DDX31: variants seen among roughly 807,000 people sequenced by gnomAD.
DDX31 encodes the protein ATP-dependent DNA helicase DDX31.
In DDX31, 70 loss-of-function variants were observed where a neutral mutation model predicts 91.3. The observed-to-expected ratio is 0.77, with a 90% confidence interval of 0.63 to 0.94. The LOEUF is 0.94. DDX31 is among the 40% of genes least tolerant of loss of function. The pLI, the probability that DDX31 is intolerant of heterozygous loss-of-function variation, is 0.00. For synonymous variants in DDX31, 362 were observed against 350.6 expected, an observed-to-expected ratio of 1.03 and a Z score of -0.36; for missense variants, 902 against 925.0, an observed-to-expected ratio of 0.98 and a Z score of 0.32.
At chr9:132,603,588 C>A (rs987165718) in intron 19 of DDX31, among the ~76,000 whole-genome samples, 2 of 152,180 alleles carry the variant, frequency 1.3e-5, no homozygotes, top group African/African-American at 4.8e-5. Flanking sequence ...ATGATATGAA[C>A]TAGAAGAGCT....
At position 132,617,216 on chromosome 9, in the gene DDX31, C is replaced by T. The variant is rs144346958; in HGVS notation, c.1825+1114G>A. On this transcript the variant is annotated intron_variant, in intron 18 of 19. Coordinates refer to ENST00000372159, the MANE Select transcript of DDX31 (RefSeq NM_022779.9). ...GCCCTTCCTTTAGAGAGCCACGGGG[C>T]TCATCCCACTTCAGGTTTTTGCTCA... 8.7e-3 allele frequency among the ~76,000 whole-genome samples: 1,317 copies of T among 152,240 alleles called. 17 individuals are homozygous for T. Among genetic ancestry groups the T allele is most frequent in the African/African-American group, 0.031 (1,281 of 41,536 alleles).
intron 15 of DDX31, among the ~76,000 whole-genome samples, chr9:132,631,134 T>C (rs1038558770): frequency 1.3e-5 from 2 of 152,244 alleles, no homozygotes; most frequent in African/African-American, 4.8e-5. Context: ...AATAACTTTG[T>C]CATCATTAAA....
chr9:132,639,115 G>T (rs557192291), intron 14 of DDX31, among the ~76,000 whole-genome samples: 2 of 152,210 alleles, frequency 1.3e-5, no homozygotes, highest in East Asian at 3.9e-4. Context: ...TTAAAAGGAC[G>T]CAGAGTGGCA....
At chr9:132,641,904 C>CT in intron 14 of DDX31, 100 bp downstream of exon 14, 1 of 1,280,780 alleles carries the variant, frequency 7.8e-7, no homozygotes, top group South Asian at 1.2e-5. Context: ...TTCCTGGGCC[C>CT]TGTAGGACTG....
At chr9:132,659,892 T>C (rs1834824759) in intron 4 of DDX31, 112 bp from the exon 5 acceptor site, 1 of 919,094 alleles carries the variant, frequency 1.1e-6, no homozygotes, top group Admixed American at 2.1e-5. Flanking sequence ...GGCAACTGCC[T>C]CCTTAGAAGC....
chr9:132,668,627 GCA>G (rs1835478060), intron 1 of DDX31, among the ~76,000 whole-genome samples: 1 of 150,982 alleles, frequency 6.6e-6, no homozygotes, highest in Non-Finnish European at 1.5e-5. Context: ...GAGTGCAATG[GCA>G]TGATCTCGGC....
chr9:132,622,172 G>GT (rs756088981), intron 17 of DDX31, among the ~76,000 whole-genome samples: 1 of 152,180 alleles, frequency 6.6e-6, no homozygotes, highest in Non-Finnish European at 1.5e-5. Context: ...CACAGCAATT[G>GT]TATGTTTTAC....
At chr9:132,632,503 TTTA>T (rs1392048733) in intron 14 of DDX31, among the ~76,000 whole-genome samples, 4 of 152,134 alleles carry the variant, frequency 2.6e-5, no homozygotes, top group Non-Finnish European at 5.9e-5. Context: ...TCTAGCATGT[TTTA>T]TTGATTTACA....
At position 132,602,969 on chromosome 9, in the gene DDX31, C is replaced by T. The variant is rs542066754; in HGVS notation, c.1995-7857G>A. ...GACGGGGCAGGCGAGAAAGCGGACA[C>T]GGCCCTTGGCTGAGAGTTTGGGCTT... On this transcript the variant is annotated intron_variant, in intron 19 of 19. Coordinates refer to ENST00000372159, the MANE Select transcript of DDX31 (RefSeq NM_022779.9). Among the ~76,000 whole-genome samples, 4 of 152,266 alleles carry T rather than the reference C, an allele frequency of 2.6e-5. No homozygotes were observed. The South Asian group carries it at 6.2e-4, about 24-fold the overall frequency.
intron 16 of DDX31, among the ~76,000 whole-genome samples, chr9:132,628,919 A>T (rs1257953347): frequency 1.3e-5 from 2 of 152,274 alleles, no homozygotes; most frequent in Non-Finnish European, 2.9e-5. Flanking sequence ...AAAAGCAGCC[A>T]CCAGCAGCAT....
intron 18 of DDX31, among the ~76,000 whole-genome samples, chr9:132,616,690 A>C (rs1831649298): frequency 6.6e-6 from 1 of 152,182 alleles, no homozygotes; most frequent in Non-Finnish European, 1.5e-5. Flanking sequence ...CTTGAGAGAC[A>C]CAGAGCAATA....
intron 14 of DDX31, chr9:132,638,153 T>A: frequency 7.2e-7 from 1 of 1,386,802 alleles, no homozygotes; most frequent in Non-Finnish European, 9.3e-7. Flanking sequence ...GCAGGTATCT[T>A]TCCTTTCTGG....
At chr9:132,661,051 A>G in intron 4 of DDX31, 157 bp downstream of exon 4, 1 of 675,700 alleles carries the variant, frequency 1.5e-6, no homozygotes, top group Non-Finnish European at 2.6e-6. Context: ...AGGTGGAGAG[A>G]ATGAGTAGCT....
At chr9:132,619,611 A>C (rs1018983592) in intron 17 of DDX31, among the ~76,000 whole-genome samples, 5 of 152,328 alleles carry the variant, frequency 3.3e-5, no homozygotes, top group African/African-American at 1.2e-4. Context: ...AAATGTTTTT[A>C]GTTTAGTCAA....
At chr9:132,603,425 G>A (rs1589963643) in intron 19 of DDX31, among the ~76,000 whole-genome samples, 1 of 152,186 alleles carries the variant, frequency 6.6e-6, no homozygotes, top group East Asian at 1.9e-4. Context: ...ACACCTTCCT[G>A]TTGCAGAAAG....
chr9:132,634,006 A>C (rs1009306772), intron 14 of DDX31, among the ~76,000 whole-genome samples: 1 of 152,176 alleles, frequency 6.6e-6, no homozygotes, highest in African/African-American at 2.4e-5. Flanking sequence ...GGGTATTCTA[A>C]AAGACAAATG....
In DDX31 at chr9:132,593,520, CCT is replaced by C. The variant is rs752047524; in HGVS notation, c.*1344_*1345del. On this transcript the variant is annotated 3_prime_UTR_variant, in exon 20 of 20. Transcript: ENST00000372159. ...ATTGTTAGAAACGTCACCCACAGTC[CCT>C]GTTAATTTGTATGTGACAGCCAACT... is the stretch of plus-strand genomic sequence containing the variant. 2 of 152,110 alleles carry C rather than the reference CCT, an allele frequency of 1.3e-5. No homozygotes were observed. The highest frequency in any genetic ancestry group is 4.8e-5 in the African/African-American group (2 of 41,404). 9.4% of individuals were successfully genotyped at this position (152,110 alleles called of 1,614,324 possible). A position where few individuals can be genotyped will look rare whatever the true frequency, so the allele number is the denominator to read the frequency against.
intron 14 of DDX31, chr9:132,638,331 G>A: frequency 8.7e-6 from 14 of 1,614,072 alleles, no homozygotes; most frequent in Non-Finnish European, 1.2e-5. Flanking sequence ...TAAAAGCAAG[G>A]TTCCTTTCCT....
At chr9:132,638,197 C>T in intron 14 of DDX31, 1 of 1,481,862 alleles carries the variant, frequency 6.7e-7, no homozygotes, top group Non-Finnish European at 9.0e-7. Flanking sequence ...CAGGGACAAT[C>T]AAGGACAGCC....
Sources: allele counts gnomAD v4.1 joint callset (sites outside exome capture counted in the v4.1 genomes callset), GRCh38; gene constraint gnomAD v4.1.1; transcripts MANE v1.5; gene names NCBI Gene and HGNC (gene_info 2026-07-23, HGNC 2026-07-21).